Variants in GLDC observed in about 807,000 individuals in gnomAD.
GLDC encodes glycine dehydrogenase (decarboxylating), mitochondrial.
In GLDC, 104 loss-of-function variants were observed where a neutral mutation model predicts 121.3. The observed-to-expected ratio is 0.86, with a 90% CI of 0.73 to 1.01. GLDC has a LOEUF of 1.01. Ranked by LOEUF, GLDC falls within the 50% of genes least tolerant of loss-of-function variation. The pLI is 0.00. For missense variants in GLDC, 1,429 were observed against 1,306.6 expected, an observed-to-expected ratio of 1.09 and a Z score of -1.44; for synonymous variants, 546 against 480.6, an observed-to-expected ratio of 1.14 and a Z score of -1.78.
intron 20 of GLDC, among the ~76,000 whole-genome samples, chr9:6,551,402 T>C (rs1348438601): frequency 2.0e-5 from 3 of 152,218 alleles, no homozygotes; most frequent in Admixed American, 2.0e-4. Context: ...CTTGTCCTGG[T>C]AGTTAAGAGT....
intron 17 of GLDC, chr9:6,557,822 T>C (rs1348049065): frequency 6.5e-6 from 1 of 153,912 alleles, no homozygotes; most frequent in Non-Finnish European, 1.4e-5. Flanking sequence ...ATTACTATAA[T>C]GGAGGGACTT....
chr9:6,536,056 C>G lies in GLDC; in HGVS notation c.2838+8G>C, dbSNP rs1353016990. ...AACATTTCAAGCAATGTTCCAGGGC[C>G]TACGCACCTTCAGCGGATTGACCCT... On this transcript the variant is annotated splice_region_variant and intron_variant, in intron 23 of 24. Transcript: ENST00000321612. 1.2e-6 allele frequency: 2 copies of G among 1,610,756 alleles called. No homozygotes were observed. The highest frequency in any genetic ancestry group is 1.1e-5 in the South Asian group (1 of 90,992).
At chr9:6,553,328 C>T in intron 20 of GLDC, 40 bp downstream of exon 20, 3 of 1,603,876 alleles carry the variant, frequency 1.9e-6, no homozygotes, top group Non-Finnish European at 2.6e-6. Flanking sequence ...GCCTGACGCC[C>T]CCACCCACCT....
chr9:6,621,922 AG>A (rs1373453889), intron 2 of GLDC, among the ~76,000 whole-genome samples: 2 of 152,150 alleles, frequency 1.3e-5, no homozygotes, highest in East Asian at 3.8e-4. Context: ...TTAACTACTT[AG>A]GCAAATGGCT....
intron 15 of GLDC, among the ~76,000 whole-genome samples, chr9:6,573,835 G>GA: frequency 6.6e-6 from 1 of 152,256 alleles, no homozygotes; most frequent in East Asian, 1.9e-4. Flanking sequence ...GAAAATAAGG[G>GA]AAAAATGGGT....
intron 11 of GLDC, 100 bp downstream of exon 11, chr9:6,592,043 T>TCA: frequency 1.3e-6 from 1 of 779,146 alleles, no homozygotes; most frequent in South Asian, 1.4e-5. Context: ...GCTACCAGTG[T>TCA]CACACTTGGG....
chr9:6,542,980 T>C lies in GLDC; in HGVS notation c.2570-2834A>G, dbSNP rs12553292. On this transcript the variant is annotated intron_variant, in intron 21 of 24. Coordinates refer to ENST00000321612, the MANE Select transcript of GLDC (RefSeq NM_000170.3). ...TGCTGAAACAGAATAGTAAGTGGAATGTTCAAGGGGAAAATCATTAGACTA... is the reference window on the plus strand; with the variant it reads ...TGCTGAAACAGAATAGTAAGTGGAACGTTCAAGGGGAAAATCATTAGACTA... 4.1e-3 allele frequency among the ~76,000 whole-genome samples: 621 copies of C among 150,766 alleles called. 17 individuals carry two copies. Among genetic ancestry groups the C allele is most frequent in the Admixed American group, 0.031 (466 of 15,092 alleles).
chr9:6,588,782 C>A, intron 12 of GLDC, 80 bp from the exon 13 acceptor site: 1 of 860,138 alleles, frequency 1.2e-6, no homozygotes, highest in South Asian at 1.3e-5. Flanking sequence ...ATAAGACACA[C>A]CGAAATCTAC....
intron 19 of GLDC, 45 bp downstream of exon 19, chr9:6,554,624 A>C (rs763601156): frequency 1.5e-6 from 2 of 1,335,784 alleles, no homozygotes; most frequent in Non-Finnish European, 2.1e-6. Flanking sequence ...CCACTCCTTC[A>C]TTCTGTCTCC....
At chr9:6,582,364 CA>C (rs1262111921) in intron 15 of GLDC, among the ~76,000 whole-genome samples, 22 of 148,548 alleles carry the variant, frequency 1.5e-4, no homozygotes, top group African/African-American at 3.2e-4. Context: ...ACTAAAAATA[CA>C]AAAAAATTTG....
chr9:6,639,556 G>A lies in GLDC; in HGVS notation c.334+5058C>T, dbSNP rs550216779. ...GATGGAGAGAAGAAGGTATATGTTC[G>A]ACTGGCTCCTGATTATGATGCTTTG... is the stretch of plus-strand genomic sequence containing the variant. On this transcript the variant is annotated intron_variant, in intron 2 of 24. Transcript: ENST00000321612. The A allele has an allele frequency of 2.7e-4, 212 of 773,942 alleles. 2 individuals carry two copies. The highest frequency in any genetic ancestry group is 2.7e-3 in the South Asian group (203 of 74,772). 47.9% of individuals were successfully genotyped at this position (773,942 alleles called of 1,614,324 possible).
intron 21 of GLDC, among the ~76,000 whole-genome samples, chr9:6,544,961 T>C (rs1239169318): frequency 6.6e-6 from 1 of 151,998 alleles, no homozygotes; most frequent in East Asian, 1.9e-4. Flanking sequence ...TAGCCAGGCA[T>C]GGTGGTGCAT....
chr9:6,620,391 C>A, intron 2 of GLDC, 72 bp from the exon 3 acceptor site: 1 of 1,316,518 alleles, frequency 7.6e-7, no homozygotes, highest in Non-Finnish European at 1.1e-6. Flanking sequence ...GTTTAAATCC[C>A]TCATTTTGTT....
chr9:6,605,372 T>G, intron 5 of GLDC, 94 bp from the exon 6 acceptor site: 1 of 1,353,278 alleles, frequency 7.4e-7, no homozygotes, highest in Non-Finnish European at 1.0e-6. Flanking sequence ...ATTCATTTTC[T>G]GTGCCCTCCC....
intron 16 of GLDC, among the ~76,000 whole-genome samples, 166 bp downstream of exon 16, chr9:6,565,188 T>G (rs1817830482): frequency 6.6e-6 from 1 of 152,234 alleles, no homozygotes; most frequent in Non-Finnish European, 1.5e-5. Flanking sequence ...TGGGATGTCT[T>G]GGAAGCAAGG....
intron 2 of GLDC, among the ~76,000 whole-genome samples, chr9:6,633,763 A>C: frequency 6.6e-6 from 1 of 151,716 alleles, no homozygotes; most frequent in Non-Finnish European, 1.5e-5. Flanking sequence ...TCTACTAAAA[A>C]TACAAAAATG....
At chr9:6,599,370 C>T (rs901075777) in intron 8 of GLDC, among the ~76,000 whole-genome samples, 6 of 151,970 alleles carry the variant, frequency 3.9e-5, no homozygotes, top group South Asian at 4.1e-4. Context: ...AAAGGGAAAA[C>T]GTAAGCAGAG....
At chr9:6,637,392 C>A (rs1174229337) in intron 2 of GLDC, among the ~76,000 whole-genome samples, 3 of 142,178 alleles carry the variant, frequency 2.1e-5, no homozygotes, top group Admixed American at 7.1e-5. Flanking sequence ...GGGATAAGAG[C>A]GAGACTTCTC....
At chr9:6,589,417 T>G in intron 11 of GLDC, 125 bp from the exon 12 acceptor site, 2 of 364,710 alleles carry the variant, frequency 5.5e-6, no homozygotes, top group East Asian at 5.5e-5. Context: ...TTTTACTTAT[T>G]TATTTATTTA....
Sources: allele counts gnomAD v4.1 joint callset (sites outside exome capture counted in the v4.1 genomes callset), GRCh38; gene constraint gnomAD v4.1.1; transcripts MANE v1.5; gene names NCBI Gene and HGNC (gene_info 2026-07-23, HGNC 2026-07-21).